Variants in RASA1 observed in about 807,000 individuals in gnomAD.
RASA1 encodes the protein ras GTPase-activating protein 1.
A neutral mutation model predicts 132.2 loss-of-function variants in RASA1; 25 were observed. The ratio of observed to expected loss-of-function variants is 0.19; its 90% confidence interval spans 0.14 to 0.26. The LOEUF is 0.26. Among genes scored for constraint, RASA1 ranks in the 10% least tolerant of loss-of-function variants. The pLI is 1.00. For missense variants in RASA1, 964 were observed against 1,299.2 expected, an observed-to-expected ratio of 0.74 and a Z score of 3.97; for synonymous variants, 477 against 449.9, an observed-to-expected ratio of 1.06 and a Z score of -0.76.
At chr5:87,336,994 C>A (rs1561291141) in intron 4 of RASA1, among the ~76,000 whole-genome samples, 1 of 151,952 alleles carries the variant, frequency 6.6e-6, no homozygotes, top group Non-Finnish European at 1.5e-5. Context: ...GCAGTTAAAG[C>A]TTTCAAGGAT....
At chr5:87,275,672 G>A (rs1052847216) in intron 1 of RASA1, among the ~76,000 whole-genome samples, 1 of 151,984 alleles carries the variant, frequency 6.6e-6, no homozygotes, top group Non-Finnish European at 1.5e-5. Flanking sequence ...CCGGGTTCAA[G>A]CATTTCTCCT....
At position 87,271,452 on chromosome 5, in the gene RASA1, CTTTTTTTTTTT is replaced by C. The variant is rs201918763; in HGVS notation, c.539+2484_539+2494del. Among the ~76,000 whole-genome samples, 138 of 38,206 alleles carry C rather than the reference CTTTTTTTTTTT, an allele frequency of 3.6e-3. 2 individuals carry two copies. The highest frequency in any genetic ancestry group is 0.014 in the East Asian group (38 of 2,764). 25.1% of individuals were successfully genotyped at this position (38,206 alleles called of 152,430 possible). A position where few individuals can be genotyped will look rare whatever the true frequency, so the allele number is the denominator to read the frequency against. Reference sequence around the variant, plus strand: ...AAAAAAAACTGTTTTTAGTAGACTTCTTTTTTTTTTTTTTTTTTTTTTTTTTTTTTTTGAGA... The same window carrying C: ...AAAAAAAACTGTTTTTAGTAGACTTCTTTTTTTTTTTTTTTTTTTTTGAGA... On this transcript the variant is annotated intron_variant, in intron 1 of 24. Transcript: ENST00000274376.
chr5:87,356,383 A>AG (rs1554047341), intron 9 of RASA1, among the ~76,000 whole-genome samples: 8,491 of 141,710 alleles, frequency 0.06, 570 homozygotes, highest in African/African-American at 0.17. Context: ...GATGATTGTT[A>AG]TTTTTTTTTT....
At chr5:87,293,333 C>T (rs945559530) in intron 1 of RASA1, among the ~76,000 whole-genome samples, 9 of 151,638 alleles carry the variant, frequency 5.9e-5, no homozygotes, top group East Asian at 1.9e-4. Context: ...TATTGGATAC[C>T]GTCAAATGGA....
chr5:87,390,736 G>T, intron 24 of RASA1, 64 bp from the exon 25 acceptor site: 1 of 1,357,514 alleles, frequency 7.4e-7, no homozygotes, highest in Admixed American at 1.7e-5. Flanking sequence ...TCAAATCCAG[G>T]TTCCCATCCT....
chr5:87,306,363 A>G (rs1468168572), intron 1 of RASA1, among the ~76,000 whole-genome samples: 1 of 152,206 alleles, frequency 6.6e-6, no homozygotes, highest in Non-Finnish European at 1.5e-5. Context: ...AAACTAATGC[A>G]GGAAGAGAAA....
At chr5:87,322,614 CT>C (rs1756912551) in intron 1 of RASA1, among the ~76,000 whole-genome samples, 1 of 152,088 alleles carries the variant, frequency 6.6e-6, no homozygotes, top group Non-Finnish European at 1.5e-5. Flanking sequence ...TAAAAGCTTC[CT>C]GAGGCCTCAC....
rs78178719 is a variant in RASA1 at position 87,320,965 on chromosome 5, G to T, written c.540-10383G>T. Among the ~76,000 whole-genome samples, 10 of 152,254 alleles carry T rather than the reference G, an allele frequency of 6.6e-5. No individual in the cohort carries two copies. The East Asian group carries it at 1.9e-3, about 29-fold the overall frequency. ...TTTTGAATGCCATGGTGAATAGTTT[G>T]TGCTTTATTTGTTATTGAATAGCAA... is the stretch of plus-strand genomic sequence containing the variant. On this transcript the variant is annotated intron_variant, in intron 1 of 24. Transcript: ENST00000274376.
At chr5:87,336,272 T>C (rs1580293203) in intron 4 of RASA1, among the ~76,000 whole-genome samples, 1 of 152,248 alleles carries the variant, frequency 6.6e-6, no homozygotes, top group East Asian at 1.9e-4. Flanking sequence ...ACATTTGTTT[T>C]AAATTTGAAT....
In RASA1 at chr5:87,374,458, TA is replaced by T. The variant is rs1264771176; in HGVS notation, c.1934+139del. 5.2e-3 allele frequency: 1,234 copies of T among 238,754 alleles called. 10 individuals are homozygous for T. Among genetic ancestry groups the T allele is most frequent in the African/African-American group, 0.016 (585 of 37,352 alleles). The allele number at this position is 238,754 out of a possible 1,614,324, so 14.8% of individuals were successfully genotyped here. ...TTCTAATAGCATATATATATATATA[TA>T]TTTTTTTTTTTTTTTTCTGTTGTTT... On this transcript the variant is annotated intron_variant, in intron 14 of 24. Coordinates refer to ENST00000274376, the MANE Select transcript of RASA1 (RefSeq NM_002890.3).
intron 1 of RASA1, among the ~76,000 whole-genome samples, chr5:87,277,722 A>C (rs1252291339): frequency 1.3e-5 from 2 of 152,140 alleles, no homozygotes; most frequent in East Asian, 3.9e-4. Context: ...TTTGGAACAG[A>C]TTAAATGCAT....
intron 5 of RASA1, among the ~76,000 whole-genome samples, chr5:87,338,536 A>ATATATTTTTTTTTTTT: frequency 2.3e-5 from 2 of 85,216 alleles, no homozygotes; most frequent in African/African-American, 8.9e-5. Context: ...TATATATAAA[A>ATATATTTTTTTTTTTT]TTTTTTTTTT....
At chr5:87,306,960 G>C (rs1487736787) in intron 1 of RASA1, among the ~76,000 whole-genome samples, 1 of 152,134 alleles carries the variant, frequency 6.6e-6, no homozygotes, top group Non-Finnish European at 1.5e-5. Context: ...CTGGGCTCAA[G>C]CAGTCCTCTT....
chr5:87,378,128 C>T (rs895643407), intron 17 of RASA1, among the ~76,000 whole-genome samples: 2 of 152,134 alleles, frequency 1.3e-5, no homozygotes, highest in Non-Finnish European at 2.9e-5. Flanking sequence ...AGTCATATAA[C>T]AATTCTGAGT....
At chr5:87,365,584 G>GAT (rs1033560543) in intron 11 of RASA1, among the ~76,000 whole-genome samples, 49 of 152,066 alleles carry the variant, frequency 3.2e-4, no homozygotes, top group South Asian at 1.2e-3. Flanking sequence ...TAATGAATTT[G>GAT]ATATATTTTT....
chr5:87,328,262 C>T (rs1271262510), intron 1 of RASA1, among the ~76,000 whole-genome samples: 1 of 152,066 alleles, frequency 6.6e-6, no homozygotes, highest in African/African-American at 2.4e-5. Context: ...AGAGTATTCT[C>T]ATACCACCAG....
chr5:87,377,829 G>A (rs1223341372), intron 17 of RASA1, among the ~76,000 whole-genome samples: 1 of 152,112 alleles, frequency 6.6e-6, no homozygotes, highest in African/African-American at 2.4e-5. Flanking sequence ...AAATAGTAAA[G>A]TTTAGAACTA....
intron 1 of RASA1, among the ~76,000 whole-genome samples, chr5:87,284,306 T>C (rs1405511375): frequency 6.6e-6 from 1 of 152,184 alleles, no homozygotes; most frequent in African/African-American, 2.4e-5. Flanking sequence ...ATACATTATG[T>C]CACTTAAGTG....
intron 1 of RASA1, among the ~76,000 whole-genome samples, chr5:87,291,928 T>C (rs1033474488): frequency 1.5e-4 from 23 of 152,212 alleles, no homozygotes; most frequent in Admixed American, 2.0e-4. Context: ...ATGCATATGA[T>C]ATTGAACATC....
Sources: allele counts gnomAD v4.1 joint callset (sites outside exome capture counted in the v4.1 genomes callset), GRCh38; gene constraint gnomAD v4.1.1; transcripts MANE v1.5; gene names NCBI Gene and HGNC (gene_info 2026-07-23, HGNC 2026-07-21).